Variants in PFKL observed in about 807,000 individuals in gnomAD.
PFKL encodes the protein phosphofructokinase, liver type, also known as ATP-dependent 6-phosphofructokinase, liver type.
PFKL carries 74 observed loss-of-function variants against 92.1 expected under a neutral mutation model. The observed-to-expected ratio is 0.80, with a 90% CI of 0.67 to 0.97. The LOEUF (loss-of-function observed/expected upper bound fraction) is 0.97. Ranked by LOEUF, PFKL falls within the 50% of genes least tolerant of loss-of-function variation. The pLI is 0.00. For missense variants in PFKL, 1,028 were observed against 1,116.6 expected (o/e 0.92, Z 1.13); for synonymous variants, 494 against 456.4 (o/e 1.08, Z -1.05).
intron 10 of PFKL, 130 bp downstream of exon 10, chr21:44,318,725 G>A (rs974764567): frequency 2.9e-6 from 2 of 693,230 alleles, no homozygotes; most frequent in Non-Finnish European, 4.3e-6. Context: ...CTGGCCCAGG[G>A]CATCCCAGGT....
intron 2 of PFKL, chr21:44,307,349 GCGCTCACACA>G: frequency 4.1e-6 from 4 of 979,528 alleles, no homozygotes; most frequent in Non-Finnish European, 4.9e-6. Context: ...ACCCACACTT[GCGCTCACACA>G]TGTGCACACA....
At chr21:44,316,096 C>A (rs2047196593) in intron 7 of PFKL, 148 bp from the exon 8 acceptor site, 1 of 705,578 alleles carries the variant, frequency 1.4e-6, no homozygotes, top group Non-Finnish European at 2.5e-6. Context: ...GCGCTCCAGG[C>A]CTGCTTTCCT....
intron 4 of PFKL, 86 bp from the exon 5 acceptor site, chr21:44,312,892 G>A: frequency 6.3e-6 from 9 of 1,438,450 alleles, no homozygotes; most frequent in Non-Finnish European, 6.7e-6. Context: ...TGGGATGCGG[G>A]GGAAGGGGTG....
rs150421287 is a variant in PFKL, at chr21:44,325,447, A to AGGGGTG, written c.1989+187_1989+192dup. The AGGGGTG allele has an allele frequency of 4.7e-3, 2,789 of 587,952 alleles. 73 individuals carry two copies. The African/African-American group carries it at 0.049, about 10-fold the overall frequency. The allele number at this position is 587,952 out of a possible 1,614,324, so 36.4% of individuals were successfully genotyped here. A position where few individuals can be genotyped will look rare whatever the true frequency, so the allele number is the denominator to read the frequency against. On this transcript the variant is annotated intron_variant, in intron 19 of 21. Transcript: ENST00000349048. ...ATCTAGGTGAGGTCTCATTTCAAGA[A>AGGGGTG]GGGGTGGGGCTGGGGCTGGAGCCGG...
chr21:44,302,380 C>T (rs1044476430), intron 1 of PFKL, among the ~76,000 whole-genome samples: 5 of 152,192 alleles, frequency 3.3e-5, no homozygotes, highest in Non-Finnish European at 7.3e-5. Flanking sequence ...TGATCTGGGG[C>T]GAGTAGGATG....
At chr21:44,318,400 A>G (rs2047266307) in intron 9 of PFKL, 70 bp from the exon 10 acceptor site, 1 of 1,362,330 alleles carries the variant, frequency 7.3e-7, no homozygotes, top group African/African-American at 1.5e-5. Context: ...TTGCACATCT[A>G]CAGAGGATGG....
intron 1 of PFKL, 120 bp from the exon 2 acceptor site, chr21:44,306,561 C>G (rs1439613577): frequency 1.2e-6 from 1 of 818,536 alleles, no homozygotes; most frequent in Admixed American, 2.2e-5. Context: ...CCCCACCACC[C>G]GCCCTCTGAG....
intron 2 of PFKL, among the ~76,000 whole-genome samples, chr21:44,309,167 T>A (rs2041041980): frequency 6.6e-6 from 1 of 152,198 alleles, no homozygotes; most frequent in Non-Finnish European, 1.5e-5. Flanking sequence ...TTTGGGTTTC[T>A]GAGCCCCCAG....
rs1295596635 is a variant in PFKL, at chr21:44,324,604, G to A, written c.1764G>A (p.Gly588=). Residue 588 remains glycine, a synonymous_variant, in exon 17 of 22, where the codon GGG becomes GGA. Coordinates refer to ENST00000349048, the MANE Select transcript of PFKL (RefSeq NM_002626.6). ...CCACCGTGACTGGCATTGCTGTGGGGGCCGACGCCGCCTACGTCTTCGAGG... is the reference window on the plus strand; with the variant it reads ...CCACCGTGACTGGCATTGCTGTGGGAGCCGACGCCGCCTACGTCTTCGAGG... ...YLATVTGIAV[G]ADAAYVFEDP... 6.2e-7 allele frequency: 1 copy of A among 1,611,940 alleles called. No individual in the cohort carries two copies. Among genetic ancestry groups the A allele is most frequent in the Non-Finnish European group, 8.5e-7 (1 of 1,179,196 alleles).
chr21:44,326,692 C>G (rs757179040), intron 21 of PFKL, 23 bp from the exon 22 acceptor site: 2 of 1,609,390 alleles, frequency 1.2e-6, no homozygotes, highest in East Asian at 4.5e-5. Context: ...TCCCCATCAT[C>G]CTCCCATCCC....
intron 1 of PFKL, 64 bp from the exon 2 acceptor site, chr21:44,306,617 G>GGT: frequency 7.4e-7 from 1 of 1,356,440 alleles, no homozygotes; most frequent in Non-Finnish European, 9.9e-7. Context: ...CCTCTGAGAT[G>GGT]GGGAGGGTGT....
intron 1 of PFKL, among the ~76,000 whole-genome samples, chr21:44,303,118 C>T (rs969299213): frequency 3.3e-5 from 5 of 152,042 alleles, no homozygotes; most frequent in African/African-American, 1.2e-4. Flanking sequence ...TCTGTAATCC[C>T]AGCTACTCAG....
intron 1 of PFKL, 126 bp from the exon 2 acceptor site, chr21:44,306,555 A>T: frequency 1.4e-6 from 1 of 710,444 alleles, no homozygotes; most frequent in South Asian, 1.7e-5. Context: ...GCCTTCCCCC[A>T]CCACCCGCCC....
At chr21:44,313,579 A>G (rs2047117083) in intron 5 of PFKL, 59 bp from the exon 6 acceptor site, 2 of 1,543,576 alleles carry the variant, frequency 1.3e-6, no homozygotes, top group African/African-American at 1.4e-5. Flanking sequence ...CCCGCAGGGA[A>G]TCGGGCTGGC....
intron 2 of PFKL, among the ~76,000 whole-genome samples, chr21:44,308,753 G>C (rs1257866629): frequency 6.6e-6 from 1 of 151,992 alleles, no homozygotes; most frequent in African/African-American, 2.4e-5. Context: ...GTAGAGACGG[G>C]GTTTCACCAT....
rs1010223172 is a variant in PFKL, at chr21:44,327,115, G to A, written c.*253G>A. 7 of 546,120 alleles carry A rather than the reference G, an allele frequency of 1.3e-5. No individual in the cohort carries two copies. Among genetic ancestry groups the A allele is most frequent in the Admixed American group, 3.1e-5 (1 of 32,210 alleles). The allele number at this position is 546,120 out of a possible 1,614,324, so 33.8% of individuals were successfully genotyped here. ...GCATCCACCTTCCTGCCCAGGGGACGTGGCGCTGTCGGTGTTTGGAGGCTG... is the reference window on the plus strand; with the variant it reads ...GCATCCACCTTCCTGCCCAGGGGACATGGCGCTGTCGGTGTTTGGAGGCTG... On this transcript the variant is annotated 3_prime_UTR_variant, in exon 22 of 22. Coordinates refer to ENST00000349048, the MANE Select transcript of PFKL (RefSeq NM_002626.6).
At chr21:44,300,511 C>T (rs992629153) in intron 1 of PFKL, among the ~76,000 whole-genome samples, 15 of 152,310 alleles carry the variant, frequency 9.8e-5, no homozygotes, top group Non-Finnish European at 1.6e-4. Flanking sequence ...GAGCGGAGGG[C>T]GCCGGTCCCG....
chr21:44,321,778 T>C lies in PFKL; in HGVS notation c.1241T>C (p.Met414Thr), dbSNP rs370654012. 5 of 1,598,914 alleles carry C rather than the reference T, an allele frequency of 3.1e-6. No individual in the cohort carries two copies. Among genetic ancestry groups the C allele is most frequent in the African/African-American group, 2.7e-5 (2 of 74,214 alleles). Residue 414 changes from methionine (M) to threonine (T), a missense_variant, in exon 13 of 22, where the codon ATG (methionine) becomes ACG (threonine). Physicochemically the swap from Met to Thr is moderately conservative, Grantham distance 81. Coordinates refer to ENST00000349048, the MANE Select transcript of PFKL (RefSeq NM_002626.6). Reference sequence around the variant, plus strand: ...AATGTGGGGGCCCCGGCGGCTGGCATGAATGCGGCCGTGCGCTCGGCGGTG... The same window carrying C: ...AATGTGGGGGCCCCGGCGGCTGGCACGAATGCGGCCGTGCGCTCGGCGGTG... Reference protein sequence around the residue: ...ILNVGAPAAGMNAAVRSAVRT... With the variant: ...ILNVGAPAAGTNAAVRSAVRT...
chr21:44,325,791 GC>G (rs1165043165), intron 19 of PFKL, 169 bp from the exon 20 acceptor site: 1 of 601,776 alleles, frequency 1.7e-6, no homozygotes, highest in East Asian at 2.8e-5. Context: ...GCTGGAGAGA[GC>G]AGGCAGGGTC....
Sources: allele counts gnomAD v4.1 joint callset (sites outside exome capture counted in the v4.1 genomes callset), GRCh38; gene constraint gnomAD v4.1.1; transcripts MANE v1.5; gene names NCBI Gene and HGNC (gene_info 2026-07-23, HGNC 2026-07-21).